TRPV6: variants seen among roughly 807,000 people sequenced by gnomAD.
TRPV6 encodes the protein transient receptor potential cation channel subfamily V member 6, also known as Alu-binding protein with zinc finger domain.
TRPV6 carries 39 observed loss-of-function variants against 79.0 expected under a neutral mutation model. That is an observed-to-expected ratio of 0.49 (90% CI 0.38 to 0.64). TRPV6 has a LOEUF of 0.64. Ranked by LOEUF, TRPV6 falls within the 30% of genes least tolerant of loss-of-function variation. The probability of loss-of-function intolerance (pLI) is 0.00; values close to 1 mark genes in which losing one functional copy is unlikely to be tolerated. For missense variants in TRPV6, 813 were observed against 1,011.1 expected (o/e 0.80, Z 2.66); for synonymous variants, 373 against 391.9 (o/e 0.95, Z 0.57).
chr7:142,878,147 G>A (rs1795118312), intron 1 of TRPV6, 121 bp from the exon 2 acceptor site: 2 of 778,750 alleles, frequency 2.6e-6, no homozygotes, highest in Non-Finnish European at 4.4e-6. Flanking sequence ...AGGAACCTCA[G>A]GGTCTTCAAT....
In TRPV6 at chr7:142,875,136, A is replaced by C; in HGVS notation, c.1271T>G (p.Ile424Ser). The C allele has an allele frequency of 1.2e-6, 2 of 1,614,058 alleles. No individual in the cohort carries two copies. Among genetic ancestry groups the C allele is most frequent in the Non-Finnish European group, 1.7e-6 (2 of 1,180,012 alleles). ...AGTCACCAGCTCCCCGACCAGCCGGATATCGTCCTTAGGGGTCATGTAGGC... is the reference window on the plus strand; with the variant it reads ...AGTCACCAGCTCCCCGACCAGCCGGCTATCGTCCTTAGGGGTCATGTAGGC... The change falls in exon 9 of 15, where the codon ATC becomes AGC. Residue 424 changes from isoleucine to serine, a missense_variant. Coordinates refer to ENST00000359396, the MANE Select transcript of TRPV6 (RefSeq NM_018646.6).
chr7:142,882,352 G>C (rs1202505741), intron 1 of TRPV6: 1 of 152,170 alleles, frequency 6.6e-6, no homozygotes, highest in Non-Finnish European at 1.5e-5. Context: ...TTCAGAAAAG[G>C]AAACTGAAGC....
chr7:142,876,768 C>G lies in TRPV6; in HGVS notation c.677G>C (p.Gly226Ala). The G allele has an allele frequency of 2.5e-6, 4 of 1,614,160 alleles. No individual in the cohort carries two copies. Among genetic ancestry groups the G allele is most frequent in the Non-Finnish European group, 3.4e-6 (4 of 1,180,032 alleles). Residue 226 changes from glycine to alanine, a missense_variant, in exon 5 of 15, where the codon GGA becomes GCA. This residue lies in a region of TRPV6 where 555 missense variants were observed against 631.0 expected (regional missense o/e 0.88). Coordinates refer to ENST00000359396, the MANE Select transcript of TRPV6 (RefSeq NM_018646.6). ...GGAGTCCTGGGCCCGGATGTCAGCT[C>G]CATGCTCAATGAGCAGCCGCACGAT...
chr7:142,875,182 C>G lies in TRPV6; in HGVS notation c.1243-18G>C, dbSNP rs1256185099. The stretch of plus-strand genomic sequence containing the variant: ...TAGGCTTCCTAATGGGGGAGAAGAA[C>G]AGTCAAAATGCTCAGGGCTTTCAGG... On this transcript the variant is annotated intron_variant, in intron 8 of 14. Coordinates refer to ENST00000359396, the MANE Select transcript of TRPV6 (RefSeq NM_018646.6). 1.2e-6 allele frequency: 2 copies of G among 1,613,798 alleles called. No individual in the cohort carries two copies. The highest frequency in any genetic ancestry group is 1.3e-5 in the African/African-American group (1 of 74,974).
intron 3 of TRPV6, 87 bp from the exon 4 acceptor site, chr7:142,877,366 CAG>C: frequency 6.4e-7 from 1 of 1,565,624 alleles, no homozygotes; most frequent in Non-Finnish European, 8.7e-7. Flanking sequence ...CTCTTTCCCT[CAG>C]GGGTAGCCTG....
intron 8 of TRPV6, 92 bp from the exon 9 acceptor site, chr7:142,875,256 T>C (rs749095124): frequency 4.7e-6 from 7 of 1,475,592 alleles, no homozygotes; most frequent in Non-Finnish European, 6.6e-6. Flanking sequence ...TCTTAGCAGA[T>C]TCTTTTTAAT....
At position 142,875,615 on chromosome 7, in the gene TRPV6, C is replaced by G; in HGVS notation, c.1095G>C (p.Gly365=). ...CACCCAGCATGCAGAAGTACGGCCGCCCGTACCGCTTCCACTTGAGGCTCA... is the reference window on the plus strand; with the variant it reads ...CACCCAGCATGCAGAAGTACGGCCGGCCGTACCGCTTCCACTTGAGGCTCA... The change falls in exon 8 of 15, where the codon GGG becomes GGC. Residue 365 remains glycine (G), a synonymous_variant. Coordinates refer to ENST00000359396, the MANE Select transcript of TRPV6 (RefSeq NM_018646.6). The G allele has an allele frequency of 6.2e-7, 1 of 1,613,798 alleles. No homozygotes were observed. Among genetic ancestry groups the G allele is most frequent in the Non-Finnish European group, 8.5e-7 (1 of 1,179,980 alleles).
chr7:142,879,912 A>G (rs1795158867), intron 1 of TRPV6: 1 of 151,972 alleles, frequency 6.6e-6, no homozygotes, highest in Non-Finnish European at 1.5e-5. Flanking sequence ...CATTCTCCCT[A>G]TGTCTGTGCC....
intron 1 of TRPV6, chr7:142,882,476 C>T (rs1254508451): frequency 6.6e-6 from 1 of 152,156 alleles, no homozygotes; most frequent in East Asian, 1.9e-4. Context: ...AGTTTTATGG[C>T]TCCTCCTGAT....
intron 1 of TRPV6, 61 bp downstream of exon 1, chr7:142,885,328 G>A: frequency 6.5e-7 from 1 of 1,528,224 alleles, no homozygotes; most frequent in Non-Finnish European, 8.8e-7. Flanking sequence ...TGAGGGAGGG[G>A]TGAGGGGTAG....
At position 142,877,738 on chromosome 7, in the gene TRPV6, G is replaced by C. The variant is rs1253681263; in HGVS notation, c.382C>G (p.Leu128Val). 1.9e-6 allele frequency: 3 copies of C among 1,614,064 alleles called. No individual in the cohort carries two copies. The African/African-American group carries it at 4.0e-5, about 22-fold the overall frequency. ...ATGGCGGCCTCCAGGTTGTCATAGA[G>C]GGCTGCTATGTGTAGCGCTGTTTCC... The change falls in exon 3 of 15, where the codon CTC (leucine) becomes GTC (valine). Residue 128 changes from leucine (L) to valine (V), a missense_variant. By Grantham distance (32) the Leu-to-Val change is conservative (BLOSUM62 1). Around this residue, in one of 3 missense-constraint regions of TRPV6, gnomAD observed 555 missense variants for 631.0 expected, o/e 0.88. Transcript: ENST00000359396.
At chr7:142,877,445 CCTCTT>C in intron 3 of TRPV6, 166 bp from the exon 4 acceptor site, 1 of 1,464,000 alleles carries the variant, frequency 6.8e-7, no homozygotes, top group Non-Finnish European at 9.1e-7. Flanking sequence ...CCCATCTCTT[CCTCTT>C]CTCTAGGCCC....
chr7:142,877,032 C>A, intron 4 of TRPV6, 110 bp downstream of exon 4: 1 of 1,478,982 alleles, frequency 6.8e-7, no homozygotes, highest in Non-Finnish European at 9.0e-7. Context: ...GATTGCTCCT[C>A]CCAGCTGCCC....
chr7:142,884,590 G>C (rs995634123), intron 1 of TRPV6: 1 of 152,278 alleles, frequency 6.6e-6, no homozygotes, highest in South Asian at 2.1e-4. Flanking sequence ...AGCTGTCATG[G>C]TGAAGAAAGC....
rs1319063373 is a variant in TRPV6, at chr7:142,875,090, G to A, written c.1317C>T (p.Ile439=). ...ATCCACACCTCACCTCTACCAGCAG[G>A]ATGATGATAGCCCCAATGACAGTCA... Residue 439 remains isoleucine (I), a synonymous_variant, in exon 9 of 15, where the codon ATC becomes ATT. Coordinates refer to ENST00000359396, the MANE Select transcript of TRPV6 (RefSeq NM_018646.6). The A allele has an allele frequency of 3.7e-6, 6 of 1,614,134 alleles. No homozygotes were observed. Among genetic ancestry groups the A allele is most frequent in the South Asian group, 1.1e-5 (1 of 91,084 alleles).
intron 6 of TRPV6, chr7:142,876,202 T>TA: frequency 1.2e-6 from 1 of 819,476 alleles, no homozygotes; most frequent in Non-Finnish European, 1.9e-6. Flanking sequence ...GCATGGGATC[T>TA]AGACTCTGTA....
rs946797354 is a variant in TRPV6 at position 142,875,260 on chromosome 7, T to C, written c.1243-96A>G. The C allele has an allele frequency of 3.5e-6, 5 of 1,447,904 alleles. No homozygotes were observed. The African/African-American group carries it at 7.1e-5, about 21-fold the overall frequency. The allele number at this position is 1,447,904 out of a possible 1,614,324, so 89.7% of individuals were successfully genotyped here. On this transcript the variant is annotated intron_variant, in intron 8 of 14. Transcript: ENST00000359396. Reference sequence around the variant, plus strand: ...AGGGTCACCAGTCTTAGCAGATTCTTTTTAATCTGTTAGGTTTGGGTCTTC... The same window carrying C: ...AGGGTCACCAGTCTTAGCAGATTCTCTTTAATCTGTTAGGTTTGGGTCTTC...
At position 142,871,958 on chromosome 7, in the gene TRPV6, G is replaced by C; in HGVS notation, c.2047C>G (p.Arg683Gly). The C allele has an allele frequency of 6.2e-7, 1 of 1,605,796 alleles. No homozygotes were observed. Residue 683 changes from arginine (R) to glycine (G), a missense_variant, in exon 15 of 15, where the codon CGG becomes GGG. Around this residue, in one of 3 missense-constraint regions of TRPV6, gnomAD observed 164 missense variants for 186.1 expected, o/e 0.88. Coordinates refer to ENST00000359396, the MANE Select transcript of TRPV6 (RefSeq NM_018646.6). The stretch of plus-strand genomic sequence containing the variant: ...AAGGCCTGTGCGTAGCGTTGGATCC[G>C]CTGCCGGTTGAGATCTTGCCTGTCT...
Position 142,876,592 on chromosome 7 carries a change from G to C in TRPV6, c.707-9C>G, listed in dbSNP as rs775352700. The C allele has an allele frequency of 6.2e-7, 1 of 1,613,928 alleles. No individual in the cohort carries two copies. Among genetic ancestry groups the C allele is most frequent in the South Asian group, 1.1e-5 (1 of 91,084 alleles). ...GTGTAACACTGTGTTTCCTGGGGAG[G>C]ACACAGGGTATCATGTGGCCACTGG... is the stretch of plus-strand genomic sequence containing the variant. On this transcript the variant is annotated splice_polypyrimidine_tract_variant and intron_variant, in intron 5 of 14. Transcript: ENST00000359396.
Sources: allele counts gnomAD v4.1 joint callset, GRCh38; gene constraint gnomAD v4.1.1; regional missense constraint gnomAD v4.1.1; transcripts MANE v1.5; gene names NCBI Gene and HGNC (gene_info 2026-07-23, HGNC 2026-07-21).